CHSY1: variants seen among roughly 807,000 people sequenced by gnomAD.
CHSY1 encodes N-acetylgalactosaminyl-proteoglycan 3-beta-glucuronosyltransferase 1.
In CHSY1, 13 loss-of-function variants were observed where a neutral mutation model predicts 59.8. That is an observed-to-expected ratio of 0.22 (90% CI 0.14 to 0.35). The LOEUF (loss-of-function observed/expected upper bound fraction) is 0.35. Ranked by LOEUF, CHSY1 falls within the 10% of genes least tolerant of loss-of-function variation. The probability of loss-of-function intolerance (pLI) is 1.00; values close to 1 mark genes in which losing one functional copy is unlikely to be tolerated. For synonymous variants in CHSY1, 459 were observed against 401.2 expected, an observed-to-expected ratio of 1.14 and a Z score of -1.72; for missense variants, 947 against 1,030.6, an observed-to-expected ratio of 0.92 and a Z score of 1.11.
intron 2 of CHSY1, among the ~76,000 whole-genome samples, chr15:101,207,159 G>GT (rs1289216308): frequency 6.6e-6 from 1 of 150,632 alleles, no homozygotes; most frequent in African/African-American, 2.4e-5. Context: ...CTTGACAAAT[G>GT]TTTTTTATAT....
At chr15:101,196,445 A>C (rs990056120) in intron 2 of CHSY1, among the ~76,000 whole-genome samples, 2 of 152,126 alleles carry the variant, frequency 1.3e-5, no homozygotes, top group African/African-American at 4.8e-5. Context: ...ACTGGCAGAA[A>C]CCAGGAAAAC....
chr15:101,208,465 C>T (rs1355933169), intron 2 of CHSY1, among the ~76,000 whole-genome samples: 1 of 152,164 alleles, frequency 6.6e-6, no homozygotes, highest in Non-Finnish European at 1.5e-5. Context: ...GGAATCCCAG[C>T]ACTTTGGGAA....
In CHSY1 at chr15:101,193,160, GCT is replaced by G. The variant is rs562552293; in HGVS notation, c.817-14182_817-14181del. On this transcript the variant is annotated intron_variant, in intron 2 of 2. Transcript: ENST00000254190. ...ACAGCAAAGCCGAGGTTGGCTCTCA[GCT>G]CTCTCTCGGGCTGGTTCTTGACAAG... Among the ~76,000 whole-genome samples the G allele has an allele frequency of 5.4e-3, 819 of 152,334 alleles. 8 individuals are homozygous for G. The highest frequency in any genetic ancestry group is 0.029 in the Admixed American group (443 of 15,294).
At chr15:101,234,422 T>C (rs986771578) in intron 2 of CHSY1, among the ~76,000 whole-genome samples, 4 of 152,184 alleles carry the variant, frequency 2.6e-5, no homozygotes, top group African/African-American at 9.7e-5. Context: ...TAGGGAGATA[T>C]CCTACATTCT....
intron 2 of CHSY1, among the ~76,000 whole-genome samples, chr15:101,181,388 T>A (rs968714244): frequency 5.3e-5 from 8 of 152,234 alleles, no homozygotes; most frequent in African/African-American, 1.9e-4. Flanking sequence ...TCCAAATTCT[T>A]AACAATGAAC....
intron 1 of CHSY1, among the ~76,000 whole-genome samples, chr15:101,242,391 G>A (rs1440288416): frequency 6.6e-6 from 1 of 152,202 alleles, no homozygotes; most frequent in African/African-American, 2.4e-5. Flanking sequence ...CGTGACCTAC[G>A]GATGTGCTAG....
At chr15:101,191,700 T>C (rs1261510921) in intron 2 of CHSY1, among the ~76,000 whole-genome samples, 1 of 152,124 alleles carries the variant, frequency 6.6e-6, no homozygotes, top group African/African-American at 2.4e-5. Context: ...TCTCTGCACA[T>C]TCCACTCAAT....
At chr15:101,228,226 G>C (rs879662299) in intron 2 of CHSY1, among the ~76,000 whole-genome samples, 1 of 151,906 alleles carries the variant, frequency 6.6e-6, no homozygotes, top group African/African-American at 2.4e-5. Flanking sequence ...GTGAGAAAGA[G>C]AAAGAAAACA....
chr15:101,251,037 G>T, intron 1 of CHSY1, 100 bp downstream of exon 1: 6 of 1,161,290 alleles, frequency 5.2e-6, no homozygotes, highest in Non-Finnish European at 7.3e-6. Flanking sequence ...CCCAAGAAGG[G>T]CCTAGGAAGC....
At chr15:101,195,232 C>T (rs982145602) in intron 2 of CHSY1, among the ~76,000 whole-genome samples, 2 of 152,160 alleles carry the variant, frequency 1.3e-5, no homozygotes, top group African/African-American at 4.8e-5. Context: ...TATAAGATTA[C>T]AAAACTAATT....
chr15:101,237,338 G>A (rs560295574), intron 1 of CHSY1, among the ~76,000 whole-genome samples: 10 of 151,904 alleles, frequency 6.6e-5, no homozygotes, highest in East Asian at 1.9e-4. Flanking sequence ...GAGGGAATGC[G>A]GCAGAAGACA....
At chr15:101,229,228 T>A (rs2141271686) in intron 2 of CHSY1, among the ~76,000 whole-genome samples, 1 of 152,334 alleles carries the variant, frequency 6.6e-6, no homozygotes, top group East Asian at 1.9e-4. Flanking sequence ...GTAATTATAT[T>A]AAATGCAAAT....
intron 2 of CHSY1, among the ~76,000 whole-genome samples, chr15:101,194,455 T>C (rs140752541): frequency 0.01 from 1,573 of 152,366 alleles, 11 homozygotes; most frequent in Non-Finnish European, 0.016. Context: ...GCATTTTCAA[T>C]TGTAATTTCT....
At chr15:101,250,724 A>G (rs1339032284) in intron 1 of CHSY1, among the ~76,000 whole-genome samples, 3 of 152,230 alleles carry the variant, frequency 2.0e-5, no homozygotes, top group Non-Finnish European at 2.9e-5. Flanking sequence ...CAGCTTTGCA[A>G]GGACAAAGGT....
intron 2 of CHSY1, among the ~76,000 whole-genome samples, chr15:101,209,189 A>C (rs1017016366): frequency 3.3e-5 from 5 of 152,234 alleles, no homozygotes; most frequent in African/African-American, 9.6e-5. Flanking sequence ...AGAGCAAACC[A>C]AAATCACAAA....
At chr15:101,191,630 T>A (rs1224499234) in intron 2 of CHSY1, among the ~76,000 whole-genome samples, 3 of 152,214 alleles carry the variant, frequency 2.0e-5, no homozygotes, top group Non-Finnish European at 4.4e-5. Context: ...ACCACTCTGG[T>A]ACAAGGTGTC....
intron 1 of CHSY1, among the ~76,000 whole-genome samples, chr15:101,250,883 G>A (rs1227493827): frequency 1.3e-5 from 2 of 152,124 alleles, no homozygotes; most frequent in Admixed American, 6.5e-5. Flanking sequence ...GCCTTCATCA[G>A]GGTGAGAGGT....
At chr15:101,188,143 C>G in intron 2 of CHSY1, 1 of 985,488 alleles carries the variant, frequency 1.0e-6, no homozygotes, top group Non-Finnish European at 1.2e-6. Context: ...ATCACTGCTA[C>G]AGAGCGACAA....
intron 2 of CHSY1, among the ~76,000 whole-genome samples, chr15:101,184,856 T>TA (rs1284451334): frequency 6.6e-6 from 1 of 152,134 alleles, no homozygotes; most frequent in African/African-American, 2.4e-5. Flanking sequence ...GTTGCTACGG[T>TA]ATATAAACAA....
Sources: gnomAD v4.1 joint callset for allele counts (sites outside exome capture counted in the v4.1 genomes callset) on GRCh38, gnomAD v4.1.1 for gene constraint, MANE v1.5 for transcripts, NCBI Gene and HGNC (gene_info 2026-07-23, HGNC 2026-07-21) for gene names.